Variants in GRK4 observed in about 807,000 individuals in gnomAD.
GRK4 encodes G protein-coupled receptor kinase 4.
GRK4 carries 73 observed loss-of-function variants against 77.9 expected under a neutral mutation model. The ratio of observed to expected loss-of-function variants is 0.94; its 90% CI spans 0.78 to 1.14. The LOEUF (loss-of-function observed/expected upper bound fraction) is 1.14, where lower values mean the gene tolerates loss of function less well. Among genes scored for constraint, GRK4 ranks in the 50% most tolerant of loss-of-function variants. The probability of loss-of-function intolerance (pLI) is 0.00; values close to 1 mark genes in which losing one functional copy is unlikely to be tolerated. For synonymous variants in GRK4, 257 were observed against 254.4 expected, an observed-to-expected ratio of 1.01 and a Z score of -0.10; for missense variants, 729 against 700.2, an observed-to-expected ratio of 1.04 and a Z score of -0.46.
intron 5 of GRK4, among the ~76,000 whole-genome samples, chr4:3,006,380 C>CA (rs796221342): frequency 0.068 from 6,790 of 100,060 alleles, 438 homozygotes; most frequent in African/African-American, 0.2. Flanking sequence ...AACTCCGCCT[C>CA]AAAAAAAAAA....
chr4:3,007,032 T>G (rs1252785786), intron 5 of GRK4, among the ~76,000 whole-genome samples: 5 of 152,058 alleles, frequency 3.3e-5, no homozygotes, highest in Admixed American at 3.3e-4. Flanking sequence ...TGACATGTAA[T>G]AGTAATAACA....
chr4:3,039,217 A>G (rs967207345), intron 15 of GRK4, among the ~76,000 whole-genome samples: 9 of 152,154 alleles, frequency 5.9e-5, no homozygotes, highest in Admixed American at 2.0e-4. Flanking sequence ...CTCCATCTCA[A>G]AAAGAAAGAA....
chr4:2,985,075 T>C (rs894603299), intron 2 of GRK4, among the ~76,000 whole-genome samples: 1 of 152,184 alleles, frequency 6.6e-6, no homozygotes, highest in African/African-American at 2.4e-5. Flanking sequence ...TGTTAAGTAT[T>C]GTTTAGTAGC....
At chr4:3,040,468 A>T (rs899751204) in intron 15 of GRK4, 104 bp from the exon 16 acceptor site, 2 of 790,178 alleles carry the variant, frequency 2.5e-6, no homozygotes, top group Non-Finnish European at 4.0e-6. Context: ...ATAAAAAATA[A>T]AAAAGCACCC....
intron 2 of GRK4, among the ~76,000 whole-genome samples, chr4:2,986,324 TA>T (rs1288456961): frequency 6.6e-6 from 1 of 150,914 alleles, no homozygotes; most frequent in Non-Finnish European, 1.5e-5. Context: ...AATTCATTTA[TA>T]AAAGTTCTTT....
chr4:3,002,248 G>T (rs531325224), intron 4 of GRK4, among the ~76,000 whole-genome samples: 1 of 152,174 alleles, frequency 6.6e-6, no homozygotes, highest in Non-Finnish European at 1.5e-5. Flanking sequence ...CTCATACACC[G>T]GGAGACCGTG....
intron 1 of GRK4, among the ~76,000 whole-genome samples, chr4:2,967,605 G>T (rs977720400): frequency 1.3e-5 from 2 of 152,074 alleles, no homozygotes; most frequent in African/African-American, 4.8e-5. Flanking sequence ...TGCCATGTTG[G>T]CCAGGCTAGT....
intron 10 of GRK4, among the ~76,000 whole-genome samples, chr4:3,026,079 C>T (rs1045509671): frequency 6.6e-6 from 1 of 152,184 alleles, no homozygotes; most frequent in Non-Finnish European, 1.5e-5. Flanking sequence ...GTTGGTGCCG[C>T]GATGGAGAGC....
At chr4:3,027,759 A>C (rs1737974442) in intron 10 of GRK4, among the ~76,000 whole-genome samples, 153 bp from the exon 11 acceptor site, 2 of 152,200 alleles carry the variant, frequency 1.3e-5, no homozygotes, top group Non-Finnish European at 2.9e-5. Context: ...AAACATGAAA[A>C]AGTTAAATGC....
rs146111856 is a variant in GRK4 at position 2,965,566 on chromosome 4, C to A, written c.52+1444C>A. 28 of 657,692 alleles carry A rather than the reference C, an allele frequency of 4.3e-5. 1 individual carries two copies. Among genetic ancestry groups the A allele is most frequent in the Admixed American group, 4.2e-4 (20 of 47,106 alleles). 40.7% of individuals were successfully genotyped at this position (657,692 alleles called of 1,614,324 possible). On this transcript the variant is annotated intron_variant, in intron 1 of 15. Coordinates refer to ENST00000398052, the MANE Select transcript of GRK4 (RefSeq NM_182982.3). ...GCATATTTAAAGGACAGTCTGGAGC[C>A]GAAGGTGGCGGCCACGCTTGTAGTC...
In GRK4 at chr4:3,029,278, A is replaced by G. The variant is rs554816234; in HGVS notation, c.1138A>G (p.Ile380Val). The part of the protein sequence containing the change: ...WGLGCLIYEM[I>V]QGHSPFKKYK... ...ACTTGGCTGTCTGATCTATGAAATG[A>G]TTCAGGGACATTCTCCATTCAAAAA... The change falls in exon 12 of 16, where the codon ATT becomes GTT. Residue 380 changes from isoleucine (I) to valine (V), a missense_variant. Transcript: ENST00000398052. 2.5e-5 allele frequency: 40 copies of G among 1,614,154 alleles called. No homozygotes were observed. In the South Asian group the frequency reaches 3.8e-4, roughly 16 times the overall value.
At chr4:3,024,900 T>C (rs568423898) in intron 10 of GRK4, among the ~76,000 whole-genome samples, 5 of 152,136 alleles carry the variant, frequency 3.3e-5, no homozygotes, top group African/African-American at 1.2e-4. Context: ...ACAAAACCAG[T>C]AAAATATTTC....
At chr4:3,005,495 T>C (rs181570468) in intron 5 of GRK4, among the ~76,000 whole-genome samples, 1 of 152,200 alleles carries the variant, frequency 6.6e-6, no homozygotes, top group Non-Finnish European at 1.5e-5. Flanking sequence ...GCTTTAATGA[T>C]GCGGCTGCCT....
intron 8 of GRK4, among the ~76,000 whole-genome samples, chr4:3,018,448 C>T (rs1735165724): frequency 6.6e-6 from 1 of 152,144 alleles, no homozygotes; most frequent in African/African-American, 2.4e-5. Flanking sequence ...ATGGGAGGAT[C>T]AGTTGAGCCC....
intron 4 of GRK4, among the ~76,000 whole-genome samples, chr4:3,001,326 TACAC>T (rs771757282): frequency 0.017 from 1,949 of 115,172 alleles, 143 homozygotes; most frequent in African/African-American, 0.028. Flanking sequence ...TGAGTACATA[TACAC>T]ACACACACAC....
At chr4:3,034,585 G>A (rs1379349135) in intron 12 of GRK4, among the ~76,000 whole-genome samples, 4 of 152,214 alleles carry the variant, frequency 2.6e-5, no homozygotes, top group South Asian at 4.2e-4. Flanking sequence ...TGAGAATTGC[G>A]GAGGAAGGCT....
intron 4 of GRK4, among the ~76,000 whole-genome samples, chr4:2,998,590 T>A (rs7689432): frequency 0.36 from 54,688 of 151,054 alleles, 10,322 homozygotes; most frequent in African/African-American, 0.44. Context: ...AAAAAAGAAA[T>A]TAAGAAAGCA....
chr4:3,006,522 A>G (rs532492816), intron 5 of GRK4, among the ~76,000 whole-genome samples: 59 of 151,898 alleles, frequency 3.9e-4, no homozygotes, highest in African/African-American at 1.3e-3. Flanking sequence ...GCTCATGCCT[A>G]TAATCCTAGC....
At chr4:3,026,266 C>G (rs1737533669) in intron 10 of GRK4, among the ~76,000 whole-genome samples, 1 of 152,176 alleles carries the variant, frequency 6.6e-6, no homozygotes, top group Non-Finnish European at 1.5e-5. Context: ...CGCCAGCAGA[C>G]CGAGTTCTCG....
Sources: allele counts gnomAD v4.1 joint callset (sites outside exome capture counted in the v4.1 genomes callset), GRCh38; gene constraint gnomAD v4.1.1; transcripts MANE v1.5; gene names NCBI Gene and HGNC (gene_info 2026-07-23, HGNC 2026-07-21).